FRAS1: variants seen among roughly 807,000 people sequenced by gnomAD.
FRAS1 encodes extracellular matrix organizing protein FRAS1.
A neutral mutation model predicts 435.2 loss-of-function variants in FRAS1; 290 were observed. That is an observed-to-expected ratio of 0.67 (90% CI 0.61 to 0.73). The LOEUF (loss-of-function observed/expected upper bound fraction) is 0.73, where lower values mean the gene tolerates loss of function less well. FRAS1 is among the 30% of genes least tolerant of loss of function. FRAS1 has a pLI of 0.00. For synonymous variants in FRAS1, 1,800 were observed against 1,851.0 expected, an observed-to-expected ratio of 0.97 and a Z score of 0.71; for missense variants, 4,860 against 5,001.5, an observed-to-expected ratio of 0.97 and a Z score of 0.85.
At chr4:78,430,508 GCGTCTTTGTGATAC>G in intron 37 of FRAS1, 91 bp downstream of exon 37, 1 of 1,337,476 alleles carries the variant, frequency 7.5e-7, no homozygotes. Context: ...CGAGAGCAAA[GCGTCTTTGTGATAC>G]AGACTATGAG....
At chr4:78,284,584 G>A (rs1286675956) in intron 13 of FRAS1, 36 bp downstream of exon 13, 1 of 1,579,510 alleles carries the variant, frequency 6.3e-7, no homozygotes, top group Admixed American at 1.8e-5. Flanking sequence ...AGGTGGTGGT[G>A]TGTGGGAGAT....
Position 78,519,442 on chromosome 4 carries a change from G to C in FRAS1, c.10501G>C (p.Glu3501Gln), listed in dbSNP as rs1578370970. Residue 3501 changes from glutamate to glutamine, a missense_variant, in exon 67 of 74, where the codon GAG (glutamate) becomes CAG (glutamine). Coordinates refer to ENST00000512123, the MANE Select transcript of FRAS1 (RefSeq NM_025074.7). Reference sequence around the variant, plus strand: ...CTCCTTGGAGCACCACACCGAGATGGAGTTTTCTTTCTTCTATGACACTGT... The same window carrying C: ...CTCCTTGGAGCACCACACCGAGATGCAGTTTTCTTTCTTCTATGACACTGT... ...WASLEHHTEM[E>Q]FSFFYDTVLW... 1 of 1,612,166 alleles carries C rather than the reference G, an allele frequency of 6.2e-7. No individual in the cohort carries two copies.
At chr4:78,343,134 G>A (rs1212450077) in intron 20 of FRAS1, among the ~76,000 whole-genome samples, 3 of 152,128 alleles carry the variant, frequency 2.0e-5, no homozygotes, top group Non-Finnish European at 4.4e-5. Context: ...TTACATAAAG[G>A]TAAGCAACTT....
chr4:78,388,576 TCAC>T (rs1732318920), intron 29 of FRAS1, among the ~76,000 whole-genome samples: 5 of 151,628 alleles, frequency 3.3e-5, no homozygotes, highest in African/African-American at 1.2e-4. Context: ...GGTAAGGGGA[TCAC>T]TTGAGCTCAG....
chr4:78,213,043 G>A (rs1384623544), intron 2 of FRAS1, among the ~76,000 whole-genome samples: 5 of 152,160 alleles, frequency 3.3e-5, no homozygotes, highest in Non-Finnish European at 1.5e-5. Context: ...GTCTCTGGAT[G>A]CAGGCTGATC....
chr4:78,100,535 T>C (rs4552489), intron 2 of FRAS1, among the ~76,000 whole-genome samples: 9,419 of 152,310 alleles, frequency 0.062, 790 homozygotes, highest in African/African-American at 0.19. Context: ...ATTTATTGAA[T>C]ACTTACAAAT....
chr4:78,424,455 A>G (rs1733921149), intron 35 of FRAS1, 35 bp downstream of exon 35: 10 of 1,214,134 alleles, frequency 8.2e-6, no homozygotes, highest in Non-Finnish European at 1.1e-5. Context: ...AGAAAGTGAA[A>G]TTTTTTCTTT....
chr4:78,443,573 A>G (rs116661490), intron 41 of FRAS1, among the ~76,000 whole-genome samples: 3,938 of 152,306 alleles, frequency 0.026, 169 homozygotes, highest in African/African-American at 0.09. Flanking sequence ...GGGTATCACT[A>G]TATTCCAGTG....
chr4:78,311,736 G>T (rs1466381654), intron 15 of FRAS1, among the ~76,000 whole-genome samples: 1 of 152,192 alleles, frequency 6.6e-6, no homozygotes, highest in Non-Finnish European at 1.5e-5. Context: ...GCATGATCAA[G>T]ATTCTGATTT....
intron 55 of FRAS1, 92 bp downstream of exon 55, chr4:78,478,153 T>C (rs1037791149): frequency 3.6e-5 from 48 of 1,347,620 alleles, no homozygotes; most frequent in Middle Eastern, 2.3e-4. Flanking sequence ...TCATGCATTA[T>C]CTTAACTCAC....
At chr4:78,502,399 CAG>C (rs1051429711) in intron 61 of FRAS1, among the ~76,000 whole-genome samples, 2 of 152,152 alleles carry the variant, frequency 1.3e-5, no homozygotes, top group Non-Finnish European at 2.9e-5. Flanking sequence ...TTTCATTAAA[CAG>C]GGGTTTGTAG....
intron 2 of FRAS1, among the ~76,000 whole-genome samples, chr4:78,069,993 C>T (rs934026537): frequency 6.6e-6 from 1 of 152,006 alleles, no homozygotes; most frequent in Admixed American, 6.6e-5. Flanking sequence ...ACTTCACCAC[C>T]TTCGGTCCCA....
intron 4 of FRAS1, among the ~76,000 whole-genome samples, chr4:78,249,048 G>GATATATATATATATGCATATATATAT (rs1253884770): frequency 3.6e-5 from 1 of 27,530 alleles, no homozygotes; most frequent in African/African-American, 8.4e-5. Flanking sequence ...AAGAACTACT[G>GATATATATATATATGCATATATATAT]ATATATATAT....
chr4:78,384,604 A>G (rs951203639), intron 28 of FRAS1, among the ~76,000 whole-genome samples: 27 of 152,114 alleles, frequency 1.8e-4, no homozygotes, highest in Admixed American at 1.8e-3. Flanking sequence ...CAGCCCTTCC[A>G]AATAGTTGGC....
intron 2 of FRAS1, among the ~76,000 whole-genome samples, chr4:78,096,818 G>A (rs1242464823): frequency 6.6e-6 from 1 of 152,206 alleles, no homozygotes; most frequent in African/African-American, 2.4e-5. Flanking sequence ...GGGCTGCTGT[G>A]AAGACCTCTG....
chr4:78,271,475 C>T (rs1337150335), intron 9 of FRAS1, among the ~76,000 whole-genome samples: 1 of 152,132 alleles, frequency 6.6e-6, no homozygotes, highest in Non-Finnish European at 1.5e-5. Context: ...TACCCCCAAC[C>T]CACAACAGGG....
intron 2 of FRAS1, among the ~76,000 whole-genome samples, chr4:78,130,518 TC>T (rs369412558): frequency 1.4e-4 from 21 of 152,082 alleles, no homozygotes; most frequent in African/African-American, 3.4e-4. Context: ...ATCAACTTTT[TC>T]CCCCCATTTT....
At chr4:78,219,840 G>T (rs1421875331) in intron 2 of FRAS1, among the ~76,000 whole-genome samples, 1 of 152,004 alleles carries the variant, frequency 6.6e-6, no homozygotes, top group Non-Finnish European at 1.5e-5. Flanking sequence ...TGTTTTCTCT[G>T]CAGAAAAAAA....
chr4:78,329,968 G>A (rs368817225), intron 18 of FRAS1, among the ~76,000 whole-genome samples: 224 of 152,186 alleles, frequency 1.5e-3, no homozygotes, highest in African/African-American at 5.2e-3. Flanking sequence ...TTAGTGTGCC[G>A]GAACAGTCAA....
Sources: gnomAD v4.1 joint callset for allele counts (sites outside exome capture counted in the v4.1 genomes callset) on GRCh38, gnomAD v4.1.1 for gene constraint, MANE v1.5 for transcripts, NCBI Gene and HGNC (gene_info 2026-07-23, HGNC 2026-07-21) for gene names.